NRXN3: variants seen among roughly 807,000 people sequenced by gnomAD.
The protein encoded by NRXN3 is neurexin 3.
Under a neutral mutation model 137.6 loss-of-function variants are expected in NRXN3, and 32 were observed. The observed-to-expected ratio is 0.23, with a 90% CI of 0.18 to 0.31. NRXN3 has a LOEUF of 0.31. NRXN3 is among the 10% of genes least tolerant of loss of function. The pLI, the probability that NRXN3 is intolerant of heterozygous loss-of-function variation, is 1.00. For synonymous variants in NRXN3, 798 were observed against 784.5 expected (o/e 1.02, Z -0.29); for missense variants, 1,574 against 2,062.5 (o/e 0.76, Z 4.59).
intron 19 of NRXN3, among the ~76,000 whole-genome samples, chr14:79,755,688 A>G (rs79654683): frequency 0.018 from 2,782 of 152,280 alleles, 43 homozygotes; most frequent in Middle Eastern, 0.058. Flanking sequence ...AGGATCATTT[A>G]CATTTACTTG....
At chr14:78,903,978 C>G (rs2099206470) in intron 10 of NRXN3, among the ~76,000 whole-genome samples, 1 of 152,046 alleles carries the variant, frequency 6.6e-6, no homozygotes, top group Non-Finnish European at 1.5e-5. Context: ...ATTTACGGCA[C>G]ACTCCTTTGA....
intron 16 of NRXN3, among the ~76,000 whole-genome samples, chr14:79,468,679 C>T (rs1015754098): frequency 2.6e-5 from 4 of 152,172 alleles, no homozygotes; most frequent in South Asian, 2.1e-4. Context: ...CACAGCAGTG[C>T]GCATGTCTGA....
At chr14:78,377,198 C>T (rs2088032498) in intron 4 of NRXN3, among the ~76,000 whole-genome samples, 1 of 151,994 alleles carries the variant, frequency 6.6e-6, no homozygotes, top group Admixed American at 6.5e-5. Context: ...ATTATGTAGA[C>T]AAAATGAAAA....
chr14:79,691,644 A>G (rs1458528031), intron 17 of NRXN3, among the ~76,000 whole-genome samples: 1 of 152,070 alleles, frequency 6.6e-6, no homozygotes. Context: ...CAAGGCTTAA[A>G]TTGTCCTCTC....
chr14:78,321,602 C>G (rs1199390335), intron 4 of NRXN3, among the ~76,000 whole-genome samples: 2 of 152,038 alleles, frequency 1.3e-5, no homozygotes, highest in Non-Finnish European at 2.9e-5. Context: ...ATTTCTGAGA[C>G]AGCTGTTGAA....
intron 15 of NRXN3, among the ~76,000 whole-genome samples, chr14:79,214,104 G>A (rs750261713): frequency 1.7e-4 from 26 of 152,186 alleles, no homozygotes; most frequent in Non-Finnish European, 3.2e-4. Context: ...TTTTTCAGGA[G>A]GCTCTCAGTT....
intron 1 of NRXN3, among the ~76,000 whole-genome samples, chr14:78,225,703 A>G (rs546352964): frequency 1.3e-5 from 2 of 152,180 alleles, no homozygotes; most frequent in East Asian, 1.9e-4. Flanking sequence ...TTCCAGATAG[A>G]TAGAACTTCT....
chr14:79,653,208 C>T (rs897928881), intron 16 of NRXN3, among the ~76,000 whole-genome samples: 3 of 152,074 alleles, frequency 2.0e-5, no homozygotes, highest in Non-Finnish European at 4.4e-5. Context: ...GCAGGTAAAC[C>T]GAGAGAGCTC....
At chr14:79,273,334 T>TAAG (rs1194909503) in intron 15 of NRXN3, among the ~76,000 whole-genome samples, 1 of 150,918 alleles carries the variant, frequency 6.6e-6, no homozygotes, top group Non-Finnish European at 1.5e-5. Context: ...ATGGTAGTAA[T>TAAG]AATAATAATA....
At chr14:79,579,702 T>C (rs1232607446) in intron 16 of NRXN3, among the ~76,000 whole-genome samples, 2 of 152,082 alleles carry the variant, frequency 1.3e-5, no homozygotes, top group Non-Finnish European at 2.9e-5. Flanking sequence ...ATCAGTGGGG[T>C]CCATGTGATA....
At chr14:78,832,107 A>G (rs572145543) in intron 10 of NRXN3, among the ~76,000 whole-genome samples, 1 of 152,044 alleles carries the variant, frequency 6.6e-6, no homozygotes, top group South Asian at 2.1e-4. Flanking sequence ...ACTTTCAAAA[A>G]CGAATGGAAC....
chr14:78,704,958 G>C (rs1311562221), intron 6 of NRXN3, among the ~76,000 whole-genome samples: 1 of 152,112 alleles, frequency 6.6e-6, no homozygotes, highest in Non-Finnish European at 1.5e-5. Flanking sequence ...TTTCCTGAGA[G>C]ACTTTGTCTT....
intron 15 of NRXN3, among the ~76,000 whole-genome samples, chr14:79,173,083 T>C (rs2061946050): frequency 6.6e-6 from 1 of 152,166 alleles, no homozygotes; most frequent in Non-Finnish European, 1.5e-5. Context: ...TCCAAGTGAA[T>C]TGAAGACTTA....
At chr14:79,108,315 T>G (rs930563386) in intron 15 of NRXN3, among the ~76,000 whole-genome samples, 9 of 152,142 alleles carry the variant, frequency 5.9e-5, no homozygotes, top group African/African-American at 2.2e-4. Context: ...AGAATGAAAA[T>G]CATCTGTTAT....
chr14:78,462,781 C>T (rs541331515), intron 4 of NRXN3, among the ~76,000 whole-genome samples: 1 of 152,216 alleles, frequency 6.6e-6, no homozygotes, highest in East Asian at 1.9e-4. Context: ...TGACAATGAC[C>T]TTGTAATTTA....
intron 19 of NRXN3, among the ~76,000 whole-genome samples, chr14:79,702,417 G>C (rs988748370): frequency 6.6e-6 from 1 of 151,990 alleles, no homozygotes; most frequent in African/African-American, 2.4e-5. Flanking sequence ...GTGTTGCATG[G>C]TGTGGCTTGA....
chr14:78,955,321 C>T (rs1368099712), intron 10 of NRXN3, among the ~76,000 whole-genome samples: 1 of 152,186 alleles, frequency 6.6e-6, no homozygotes, highest in African/African-American at 2.4e-5. Flanking sequence ...TCACTGTTGG[C>T]TGTTGTGATG....
intron 16 of NRXN3, among the ~76,000 whole-genome samples, chr14:79,579,747 T>C (rs1230528616): frequency 1.3e-5 from 2 of 152,184 alleles, no homozygotes; most frequent in Non-Finnish European, 2.9e-5. Flanking sequence ...TGATGGGTAT[T>C]TGGGATATCC....
At chr14:78,281,948 G>A (rs2074465763) in intron 3 of NRXN3, among the ~76,000 whole-genome samples, 1 of 152,132 alleles carries the variant, frequency 6.6e-6, no homozygotes, top group Admixed American at 6.5e-5. Flanking sequence ...CACAGCACAT[G>A]GCACAGAGCT....
Sources: gnomAD v4.1 joint callset for allele counts (sites outside exome capture counted in the v4.1 genomes callset) on GRCh38, gnomAD v4.1.1 for gene constraint, MANE v1.5 for transcripts, NCBI Gene and HGNC (gene_info 2026-07-23, HGNC 2026-07-21) for gene names.